ROBO2: variants seen among roughly 807,000 people sequenced by gnomAD.
The protein encoded by ROBO2 is roundabout homolog 2.
ROBO2 carries 53 observed loss-of-function variants against 160.8 expected under a neutral mutation model. The ratio of observed to expected loss-of-function variants is 0.33; its 90% CI spans 0.26 to 0.41. The LOEUF (loss-of-function observed/expected upper bound fraction) is 0.41, where lower values mean the gene tolerates loss of function less well. ROBO2 is among the 10% of genes least tolerant of loss of function. The pLI is 1.00. For synonymous variants in ROBO2, 664 were observed against 611.7 expected, an observed-to-expected ratio of 1.09 and a Z score of -1.26; for missense variants, 1,577 against 1,722.4, an observed-to-expected ratio of 0.92 and a Z score of 1.49.
At chr3:76,147,302 G>T (rs913547988) in intron 2 of ROBO2, among the ~76,000 whole-genome samples, 4 of 151,564 alleles carry the variant, frequency 2.6e-5, no homozygotes, top group African/African-American at 7.3e-5. Context: ...ATAAGTAAAT[G>T]TAATGAACAT....
At position 76,967,882 on chromosome 3, in the gene ROBO2, A is replaced by G. The variant is rs111925044; in HGVS notation, c.110-130132A>G. On this transcript the variant is annotated intron_variant, in intron 2 of 26. Transcript: ENST00000487694. ...TTATGGTACTTTCTTCCCTCTTGCTAAGATTGCTTATCTCCGTTTTAGATA... is the reference window on the plus strand; with the variant it reads ...TTATGGTACTTTCTTCCCTCTTGCTGAGATTGCTTATCTCCGTTTTAGATA... 5.7e-3 allele frequency among the ~76,000 whole-genome samples: 866 copies of G among 152,216 alleles called. 7 individuals carry two copies. Among genetic ancestry groups the G allele is most frequent in the African/African-American group, 0.02 (834 of 41,530 alleles).
intron 2 of ROBO2, among the ~76,000 whole-genome samples, chr3:76,208,529 A>G (rs893612126): frequency 6.6e-5 from 10 of 152,136 alleles, no homozygotes; most frequent in African/African-American, 2.4e-4. Context: ...GATCTTAGAC[A>G]CGTGATTTCC....
At chr3:76,412,803 G>A (rs2075562421) in intron 2 of ROBO2, among the ~76,000 whole-genome samples, 1 of 152,158 alleles carries the variant, frequency 6.6e-6, no homozygotes, top group Non-Finnish European at 1.5e-5. Flanking sequence ...GGCTCAGAGT[G>A]CAAGCTGTCA....
intron 2 of ROBO2, among the ~76,000 whole-genome samples, chr3:76,593,566 C>T (rs1432436311): frequency 6.6e-6 from 1 of 152,058 alleles, no homozygotes; most frequent in Non-Finnish European, 1.5e-5. Context: ...GATCAACACA[C>T]TAACTTATTA....
intron 2 of ROBO2, among the ~76,000 whole-genome samples, chr3:76,796,806 G>GGATCATAC (rs1471054475): frequency 6.6e-6 from 1 of 151,786 alleles, no homozygotes; most frequent in Non-Finnish European, 1.5e-5. Flanking sequence ...ATCTACATTT[G>GGATCATAC]GATCATACAA....
At chr3:76,553,305 T>C (rs1253887821) in intron 2 of ROBO2, among the ~76,000 whole-genome samples, 1 of 152,070 alleles carries the variant, frequency 6.6e-6, no homozygotes, top group African/African-American at 2.4e-5. Context: ...AGAAGAGATA[T>C]CGAATAGCGT....
At chr3:76,561,633 G>A (rs1164213735) in intron 2 of ROBO2, among the ~76,000 whole-genome samples, 2 of 152,158 alleles carry the variant, frequency 1.3e-5, no homozygotes, top group Non-Finnish European at 2.9e-5. Context: ...GCAAGTGGTA[G>A]GCACAGGAAG....
chr3:76,646,946 G>C (rs770726537), intron 2 of ROBO2, among the ~76,000 whole-genome samples: 1 of 152,170 alleles, frequency 6.6e-6, no homozygotes. Flanking sequence ...ATGGCTGGGG[G>C]AACAAAGGGA....
chr3:77,408,550 C>T (rs1054808638), intron 2 of ROBO2, among the ~76,000 whole-genome samples: 14 of 152,258 alleles, frequency 9.2e-5, no homozygotes, highest in South Asian at 4.1e-4. Context: ...GGGGAACTTA[C>T]ATGGGTAAAA....
At chr3:76,923,446 C>G (rs954920635) in intron 2 of ROBO2, among the ~76,000 whole-genome samples, 1 of 152,024 alleles carries the variant, frequency 6.6e-6, no homozygotes, top group Non-Finnish European at 1.5e-5. Flanking sequence ...CAGGTGGGTG[C>G]GAATGTGTAT....
chr3:76,550,007 T>A (rs936050715), intron 2 of ROBO2, among the ~76,000 whole-genome samples: 2 of 152,236 alleles, frequency 1.3e-5, no homozygotes, highest in Non-Finnish European at 2.9e-5. Context: ...CTGAATTTTT[T>A]AAATGTTAAA....
chr3:77,487,984 T>TA (rs2085584843), intron 4 of ROBO2, among the ~76,000 whole-genome samples: 1 of 152,168 alleles, frequency 6.6e-6, no homozygotes, highest in Admixed American at 6.5e-5. Context: ...TGTAACTAAG[T>TA]AACTTAAGAG....
At chr3:76,036,899 A>G (rs1056249028) in intron 2 of ROBO2, among the ~76,000 whole-genome samples, 1 of 151,932 alleles carries the variant, frequency 6.6e-6, no homozygotes, top group Non-Finnish European at 1.5e-5. Context: ...AAACCTTTCC[A>G]TTTACTTCCC....
intron 2 of ROBO2, among the ~76,000 whole-genome samples, chr3:77,276,245 C>T (rs964657095): frequency 1.3e-5 from 2 of 151,564 alleles, no homozygotes; most frequent in Admixed American, 6.6e-5. Flanking sequence ...GAAAAAATGT[C>T]TCTGATACCT....
intron 2 of ROBO2, among the ~76,000 whole-genome samples, chr3:77,356,677 A>G (rs1397931427): frequency 1.3e-5 from 2 of 152,202 alleles, no homozygotes; most frequent in Non-Finnish European, 2.9e-5. Context: ...AATACCCATT[A>G]GTAAACGGTT....
chr3:77,376,153 T>C (rs1291016585), intron 2 of ROBO2, among the ~76,000 whole-genome samples: 2 of 94,948 alleles, frequency 2.1e-5, no homozygotes, highest in Non-Finnish European at 4.3e-5. Flanking sequence ...CATTTAACTT[T>C]CTTTTTTTTT....
intron 2 of ROBO2, among the ~76,000 whole-genome samples, chr3:76,672,468 C>G (rs2092295076): frequency 6.6e-6 from 1 of 152,070 alleles, no homozygotes; most frequent in African/African-American, 2.4e-5. Flanking sequence ...AGGGATCTTA[C>G]CATAGACAAG....
chr3:77,100,190 A>G (rs1015400527), intron 2 of ROBO2, among the ~76,000 whole-genome samples: 1 of 152,072 alleles, frequency 6.6e-6, no homozygotes, highest in African/African-American at 2.4e-5. Context: ...ATGTGACAGT[A>G]ATTTTTTTTA....
At chr3:76,706,754 T>C (rs914295146) in intron 2 of ROBO2, among the ~76,000 whole-genome samples, 1 of 152,140 alleles carries the variant, frequency 6.6e-6, no homozygotes, top group Non-Finnish European at 1.5e-5. Flanking sequence ...TGTCCTTTTA[T>C]TCTTTAATGA....
Sources: gnomAD v4.1 joint callset for allele counts (sites outside exome capture counted in the v4.1 genomes callset) on GRCh38, gnomAD v4.1.1 for gene constraint, MANE v1.5 for transcripts, NCBI Gene and HGNC (gene_info 2026-07-23, HGNC 2026-07-21) for gene names.